ZC3H12B: variants seen among roughly 807,000 people sequenced by gnomAD.
The protein encoded by ZC3H12B is probable ribonuclease ZC3H12B.
ZC3H12B carries 7 observed loss-of-function variants against 43.9 expected under a neutral mutation model. The ratio of observed to expected loss-of-function variants is 0.16; its 90% CI spans 0.09 to 0.30. The LOEUF (loss-of-function observed/expected upper bound fraction) is 0.30, where lower values mean the gene tolerates loss of function less well. ZC3H12B is among the 10% of genes least tolerant of loss of function. ZC3H12B has a pLI of 1.00. For synonymous variants in ZC3H12B, 222 were observed against 241.7 expected (o/e 0.92, Z 0.76); for missense variants, 475 against 670.2 (o/e 0.71, Z 3.22).
At chrX:65,372,957 G>T (rs1036029668) in intron 2 of ZC3H12B, among the ~76,000 whole-genome samples, 1 of 112,186 alleles carries the variant, frequency 8.9e-6, no homozygotes, top group African/African-American at 3.2e-5. Flanking sequence ...AGAGAAGAGT[G>T]AACTGAATTC....
chrX:65,409,914 T>C (rs1448761769), intron 3 of ZC3H12B, among the ~76,000 whole-genome samples: 1 of 110,445 alleles, frequency 9.1e-6, no homozygotes, highest in Non-Finnish European at 1.9e-5. Context: ...TTCAATGTAA[T>C]CCCTATCAAA....
intron 3 of ZC3H12B, among the ~76,000 whole-genome samples, chrX:65,419,597 T>C (rs1321220249): frequency 9.0e-6 from 1 of 111,385 alleles, no homozygotes; most frequent in Non-Finnish European, 1.9e-5. Flanking sequence ...GCATTGAGAA[T>C]GAAGTGAACA....
At chrX:65,152,538 G>T in the ZC3H12B span, among the ~76,000 whole-genome samples, 1 of 111,054 alleles carries the variant, frequency 9.0e-6, no homozygotes, top group Non-Finnish European at 1.9e-5. Context: ...GGACGTGAAG[G>T]ACCTCTTCAA....
At chrX:65,153,029 T>G in the ZC3H12B span, among the ~76,000 whole-genome samples, 2 of 111,923 alleles carry the variant, frequency 1.8e-5, no homozygotes, top group African/African-American at 6.5e-5. Context: ...TGGCTAGCCA[T>G]ATGTAGAAAG....
chrX:65,148,273 C>T, the ZC3H12B span, among the ~76,000 whole-genome samples: 2 of 111,335 alleles, frequency 1.8e-5, no homozygotes, highest in Non-Finnish European at 3.8e-5. Context: ...GGGCCTGGAG[C>T]CTGGGACTGT....
At chrX:65,458,849 T>C (rs2067680532) in intron 3 of ZC3H12B, among the ~76,000 whole-genome samples, 1 of 110,060 alleles carries the variant, frequency 9.1e-6, no homozygotes, top group Non-Finnish European at 1.9e-5. Context: ...AGACAAGAAA[T>C]AACTAAGATC....
the ZC3H12B span, among the ~76,000 whole-genome samples, chrX:65,132,459 C>A: frequency 1.8e-5 from 2 of 109,376 alleles, no homozygotes; most frequent in African/African-American, 6.7e-5. Flanking sequence ...ATGGTCGGCA[C>A]TAAGGAGGGA....
the ZC3H12B span, among the ~76,000 whole-genome samples, chrX:65,194,241 C>CT: frequency 1.3e-5 from 1 of 75,167 alleles, no homozygotes; most frequent in Non-Finnish European, 2.4e-5. Context: ...TAATTATCTT[C>CT]TTTGGGGTGG....
At chrX:65,180,232 A>G in the ZC3H12B span, among the ~76,000 whole-genome samples, 1 of 112,175 alleles carries the variant, frequency 8.9e-6, no homozygotes, top group Admixed American at 9.5e-5. Flanking sequence ...TCTGTCTCAT[A>G]AACAGAACCA....
In ZC3H12B at chrX:65,422,917, T is replaced by C. The variant is rs189103710; in HGVS notation, n.407+24213T>C. 8.2e-3 allele frequency among the ~76,000 whole-genome samples: 867 copies of C among 105,622 alleles called. 14 individuals are homozygous for C. The highest frequency in any genetic ancestry group is 0.03 in the African/African-American group (828 of 27,801). 91.7% of individuals were successfully genotyped at this position (105,622 alleles called of 115,157 possible). ...CATGGTGTATAAGTGCCACATTTTC[T>C]TTCTTTGCTTTTTTTTTTTTTTTTT... On this transcript the variant is annotated intron_variant and non_coding_transcript_variant, in intron 3 of 5. Transcript: ENST00000617377.
At chrX:65,137,037 T>C in the ZC3H12B span, among the ~76,000 whole-genome samples, 1 of 112,020 alleles carries the variant, frequency 8.9e-6, no homozygotes, top group African/African-American at 3.2e-5. Flanking sequence ...TAAGGAAATA[T>C]AATTTAATAA....
At chrX:65,175,313 G>T in the ZC3H12B span, among the ~76,000 whole-genome samples, 2 of 111,546 alleles carry the variant, frequency 1.8e-5, no homozygotes, top group Non-Finnish European at 3.8e-5. Flanking sequence ...GAGCAGAGCT[G>T]TTCCTTTGGC....
chrX:65,178,334 A>T, the ZC3H12B span, among the ~76,000 whole-genome samples: 1 of 112,025 alleles, frequency 8.9e-6, no homozygotes, highest in Non-Finnish European at 1.9e-5. Context: ...AGACAATACC[A>T]TTCAGGACAT....
chrX:65,495,268 T>C (rs2068262668), intron 1 of ZC3H12B, among the ~76,000 whole-genome samples: 1 of 112,624 alleles, frequency 8.9e-6, no homozygotes, highest in African/African-American at 3.2e-5. Context: ...ATGATTAGCA[T>C]ATGCTTGGAA....
At chrX:65,139,918 A>C in the ZC3H12B span, among the ~76,000 whole-genome samples, 3 of 110,787 alleles carry the variant, frequency 2.7e-5, no homozygotes, top group African/African-American at 9.8e-5. Flanking sequence ...AATGCAGTTA[A>C]CTTTTGAACA....
chrX:65,308,186 C>G, the ZC3H12B span, among the ~76,000 whole-genome samples: 4 of 110,107 alleles, frequency 3.6e-5, no homozygotes, highest in Non-Finnish European at 7.6e-5. Context: ...ATTAAGTACT[C>G]TATCAGAGCA....
chrX:65,331,998 C>G, the ZC3H12B span, among the ~76,000 whole-genome samples: 1 of 111,226 alleles, frequency 9.0e-6, no homozygotes, highest in Non-Finnish European at 1.9e-5. Context: ...TCAGCAAGGT[C>G]TTTATGACCT....
At chrX:65,214,799 A>G in the ZC3H12B span, among the ~76,000 whole-genome samples, 1 of 111,818 alleles carries the variant, frequency 8.9e-6, no homozygotes, top group African/African-American at 3.2e-5. Flanking sequence ...ATCAAGGTGC[A>G]TCAGAGGAAT....
At chrX:65,467,791 T>C (rs2067846081) in intron 3 of ZC3H12B, among the ~76,000 whole-genome samples, 1 of 112,535 alleles carries the variant, frequency 8.9e-6, no homozygotes, top group Admixed American at 9.4e-5. Context: ...CACTTTTTGA[T>C]GGCATTGTTT....
Sources: allele counts gnomAD v4.1 joint callset (sites outside exome capture counted in the v4.1 genomes callset), GRCh38; gene constraint gnomAD v4.1.1; transcripts MANE v1.5; gene names NCBI Gene and HGNC (gene_info 2026-07-23, HGNC 2026-07-21).